The following SULT1B1 variants were observed in gnomAD, a reference collection of about 807,000 sequenced individuals.
SULT1B1 encodes sulfotransferase 1B1.
In SULT1B1, 28 loss-of-function variants were observed where a neutral mutation model predicts 34.6. The ratio of observed to expected loss-of-function variants is 0.81; its 90% CI spans 0.60 to 1.11. The LOEUF is 1.11. SULT1B1 is among the 50% of genes least tolerant of loss of function. The probability of loss-of-function intolerance (pLI) is 0.00; values close to 1 mark genes in which losing one functional copy is unlikely to be tolerated. For missense variants in SULT1B1, 374 were observed against 352.2 expected, an observed-to-expected ratio of 1.06 and a Z score of -0.50; for synonymous variants, 147 against 110.2, an observed-to-expected ratio of 1.33 and a Z score of -2.09.
chr4:69,743,410 C>A (rs1718627081), intron 4 of SULT1B1, among the ~76,000 whole-genome samples: 1 of 152,136 alleles, frequency 6.6e-6, no homozygotes, highest in East Asian at 1.9e-4. Flanking sequence ...GGAAGAAGTG[C>A]AGTCCCATTG....
At chr4:69,735,816 TC>T (rs1718287733) in intron 4 of SULT1B1, among the ~76,000 whole-genome samples, 1 of 151,842 alleles carries the variant, frequency 6.6e-6, no homozygotes, top group Non-Finnish European at 1.5e-5. Flanking sequence ...GGACCAATCA[TC>T]CCCCACACCT....
intron 4 of SULT1B1, among the ~76,000 whole-genome samples, chr4:69,734,511 C>T (rs933048473): frequency 6.6e-6 from 1 of 152,048 alleles, no homozygotes; most frequent in African/African-American, 2.4e-5. Flanking sequence ...AGTTTCTGGC[C>T]ACTTGACACT....
intron 3 of SULT1B1, among the ~76,000 whole-genome samples, chr4:69,752,119 C>G (rs1008827373): frequency 6.6e-6 from 1 of 152,192 alleles, no homozygotes; most frequent in Non-Finnish European, 1.5e-5. Context: ...AAGTCCTTGA[C>G]AAATGTAAGA....
chr4:69,750,348 A>G (rs907265270), intron 3 of SULT1B1, among the ~76,000 whole-genome samples: 22 of 152,260 alleles, frequency 1.4e-4, no homozygotes, highest in South Asian at 1.0e-3. Context: ...GTCTCTCCAT[A>G]TATGTATAGA....
chr4:69,742,845 C>T (rs549696662), intron 4 of SULT1B1, among the ~76,000 whole-genome samples: 10 of 152,204 alleles, frequency 6.6e-5, no homozygotes, highest in African/African-American at 1.4e-4. Flanking sequence ...AGCTGCGGTG[C>T]GGTGGGCAGC....
At chr4:69,744,796 G>A (rs1578060033) in intron 4 of SULT1B1, among the ~76,000 whole-genome samples, 1 of 151,920 alleles carries the variant, frequency 6.6e-6, no homozygotes, top group African/African-American at 2.4e-5. Context: ...TTATTTTCCT[G>A]GTTCCTTGAG....
chr4:69,739,834 T>C (rs1718471860), intron 4 of SULT1B1, among the ~76,000 whole-genome samples: 1 of 152,334 alleles, frequency 6.6e-6, no homozygotes, highest in African/African-American at 2.4e-5. Context: ...AAAGTTCTAC[T>C]GATATCTAGG....
At chr4:69,734,024 A>G (rs1718192036) in intron 5 of SULT1B1, 114 bp downstream of exon 5, 1 of 914,618 alleles carries the variant, frequency 1.1e-6, no homozygotes, top group South Asian at 2.6e-5. Flanking sequence ...ATAATATTTG[A>G]ACATACTTTT....
At chr4:69,732,280 G>C (rs1297397605) in intron 6 of SULT1B1, among the ~76,000 whole-genome samples, 3 of 152,166 alleles carry the variant, frequency 2.0e-5, no homozygotes, top group Non-Finnish European at 4.4e-5. Flanking sequence ...TACTTGGGCA[G>C]TGAATAAAAT....
At position 69,749,749 on chromosome 4, in the gene SULT1B1, GGAA is replaced by G. The variant is rs747859925; in HGVS notation, c.344_346del (p.Leu115del). ...GCAATTGTTTTCCCAGAAAGATTTAGGAAGAAGATCAGTCGGTAGATGTGTTTT... is the reference window on the plus strand; with the variant it reads ...GCAATTGTTTTCCCAGAAAGATTTAGGAAGATCAGTCGGTAGATGTGTTTT... On this transcript the variant is annotated inframe_deletion, in exon 4 of 8. Transcript: ENST00000310613. 26 of 1,613,504 alleles carry G rather than the reference GGAA, an allele frequency of 1.6e-5. No individual in the cohort carries two copies. The Admixed American group carries it at 2.8e-4, about 18-fold the overall frequency.
Position 69,721,432 on chromosome 4 carries a change from A to G in SULT1B1, c.*5656T>C, listed in dbSNP as rs965783983. 5 of 152,068 alleles carry G rather than the reference A, an allele frequency of 3.3e-5. No individual in the cohort carries two copies. The highest frequency in any genetic ancestry group is 1.2e-4 in the African/African-American group (5 of 41,434). The allele number at this position is 152,068 out of a possible 1,614,324, so 9.4% of individuals were successfully genotyped here. ...TGCTGCACAAAATAATTGTTTTCCC[A>G]TATATCATTAATATCAAGCATTTTG... is the stretch of plus-strand genomic sequence containing the variant. On this transcript the variant is annotated 3_prime_UTR_variant, in exon 8 of 8. Transcript: ENST00000310613.
chr4:69,730,094 AAG>A, intron 7 of SULT1B1, among the ~76,000 whole-genome samples: 1 of 152,050 alleles, frequency 6.6e-6, no homozygotes, highest in Non-Finnish European at 1.5e-5. Context: ...ATGGTTTTCT[AAG>A]TGATATGGGG....
rs1160527596 is a variant in SULT1B1 at position 69,722,308 on chromosome 4, A to C, written c.*4780T>G. 36 of 152,250 alleles carry C rather than the reference A, an allele frequency of 2.4e-4. No homozygotes were observed. Among genetic ancestry groups the C allele is most frequent in the Admixed American group, 2.1e-3 (32 of 15,268 alleles). The allele number at this position is 152,250 out of a possible 1,614,324, so 9.4% of individuals were successfully genotyped here. ...GGAAATTATTTTATCTTGCTAGTGAAGAAAGTGTAGCTAATCTATTACACA... is the reference window on the plus strand; with the variant it reads ...GGAAATTATTTTATCTTGCTAGTGACGAAAGTGTAGCTAATCTATTACACA... On this transcript the variant is annotated 3_prime_UTR_variant, in exon 8 of 8. Coordinates refer to ENST00000310613, the MANE Select transcript of SULT1B1 (RefSeq NM_014465.4).
At chr4:69,746,612 T>A in intron 4 of SULT1B1, among the ~76,000 whole-genome samples, 1 of 152,226 alleles carries the variant, frequency 6.6e-6, no homozygotes, top group East Asian at 1.9e-4. Flanking sequence ...TCAGTTTTAC[T>A]GTATTCCTTG....
At chr4:69,751,544 C>T (rs1007450155) in intron 3 of SULT1B1, among the ~76,000 whole-genome samples, 3 of 152,088 alleles carry the variant, frequency 2.0e-5, no homozygotes, top group South Asian at 2.1e-4. Context: ...CTCTGCCTCC[C>T]GGGTTCACGC....
intron 1 of SULT1B1, among the ~76,000 whole-genome samples, chr4:69,759,533 G>C (rs185753684): frequency 6.6e-6 from 1 of 152,306 alleles, no homozygotes; most frequent in Admixed American, 6.5e-5. Flanking sequence ...TGGGAAGTGG[G>C]TGTGTCCAAT....
rs1263703663 is a variant in SULT1B1 at position 69,725,513 on chromosome 4, A to G, written c.*1575T>C. 6.6e-6 allele frequency: 1 copy of G among 152,204 alleles called. No individual in the cohort carries two copies. The highest frequency in any genetic ancestry group is 1.5e-5 in the Non-Finnish European group (1 of 68,042). The allele number at this position is 152,204 out of a possible 1,614,324, so 9.4% of individuals were successfully genotyped here. A position where few individuals can be genotyped will look rare whatever the true frequency, so the allele number is the denominator to read the frequency against. On this transcript the variant is annotated 3_prime_UTR_variant, in exon 8 of 8. Transcript: ENST00000310613. ...AAATACCATTTGACCCAGCCATCCC[A>G]TTACTGGGTATATACCCAAAGGATT...
intron 4 of SULT1B1, 95 bp from the exon 5 acceptor site, chr4:69,734,359 C>T (rs113572866): frequency 2.2e-6 from 3 of 1,377,662 alleles, no homozygotes; most frequent in Non-Finnish European, 1.9e-6. Flanking sequence ...AAGCAGAGTA[C>T]TTTTTCAAAT....
At chr4:69,758,634 A>C in intron 1 of SULT1B1, 1 of 223,438 alleles carries the variant, frequency 4.5e-6, no homozygotes, top group Non-Finnish European at 7.5e-6. Context: ...CCTATAATGC[A>C]CACATATTAT....
Sources: allele counts gnomAD v4.1 joint callset (sites outside exome capture counted in the v4.1 genomes callset), GRCh38; gene constraint gnomAD v4.1.1; transcripts MANE v1.5; gene names NCBI Gene and HGNC (gene_info 2026-07-23, HGNC 2026-07-21).